The following ZDHHC14 variants were observed in gnomAD, a reference collection of about 807,000 sequenced individuals.
ZDHHC14 encodes the protein zDHHC palmitoyltransferase 14.
A neutral mutation model predicts 47.7 loss-of-function variants in ZDHHC14; 16 were observed. That is an observed-to-expected ratio of 0.34 (90% CI 0.23 to 0.51). ZDHHC14 has a LOEUF of 0.51. Among genes scored for constraint, ZDHHC14 ranks in the 20% least tolerant of loss-of-function variants. The pLI is 0.97. For synonymous variants in ZDHHC14, 293 were observed against 278.9 expected, an observed-to-expected ratio of 1.05 and a Z score of -0.50; for missense variants, 515 against 662.5, an observed-to-expected ratio of 0.78 and a Z score of 2.44.
intron 1 of ZDHHC14, among the ~76,000 whole-genome samples, chr6:157,515,462 T>TC (rs1780655920): frequency 9.2e-6 from 1 of 109,176 alleles, no homozygotes. Context: ...TTTTTCTTTT[T>TC]TTTTTTTTTT....
Position 157,392,618 on chromosome 6 carries a change from A to G in ZDHHC14, c.245+10352A>G, listed in dbSNP as rs528721955. ...GAGAGAAAAAATTGTTTCCTCTGCC[A>G]TGACTGGATCCATAATTAAGAGAAA... On this transcript the variant is annotated intron_variant, in intron 1 of 8. Coordinates refer to ENST00000359775, the MANE Select transcript of ZDHHC14 (RefSeq NM_024630.3). Among the ~76,000 whole-genome samples the G allele has an allele frequency of 2.7e-5, 4 of 150,416 alleles. No individual in the cohort carries two copies. The East Asian group carries it at 5.9e-4, about 22-fold the overall frequency.
intron 1 of ZDHHC14, among the ~76,000 whole-genome samples, chr6:157,492,783 A>G (rs994501012): frequency 1.3e-5 from 2 of 152,140 alleles, no homozygotes; most frequent in African/African-American, 2.4e-5. Context: ...AGTGGCCAGG[A>G]GCAGGGTGAT....
chr6:157,573,616 C>T, intron 2 of ZDHHC14, among the ~76,000 whole-genome samples: 1 of 152,232 alleles, frequency 6.6e-6, no homozygotes, highest in East Asian at 1.9e-4. Flanking sequence ...CAAGCCCATG[C>T]AGCCTTAAAT....
intron 4 of ZDHHC14, chr6:157,630,078 C>G (rs1401533533): frequency 1.3e-5 from 2 of 152,174 alleles, no homozygotes; most frequent in African/African-American, 4.8e-5. Context: ...GCCCCTGCCT[C>G]CCAGGTTCAA....
chr6:157,569,844 G>T (rs1310251922), intron 2 of ZDHHC14, among the ~76,000 whole-genome samples: 2 of 151,852 alleles, frequency 1.3e-5, no homozygotes, highest in African/African-American at 4.8e-5. Context: ...CTGTTTCAAA[G>T]GAGACATTGT....
intron 1 of ZDHHC14, among the ~76,000 whole-genome samples, chr6:157,484,291 G>A (rs533270743): frequency 1.2e-3 from 107 of 87,204 alleles, no homozygotes; most frequent in African/African-American, 2.9e-3. Flanking sequence ...ATATATATAT[G>A]TGTATATATA....
At chr6:157,386,994 T>G (rs1254582294) in intron 1 of ZDHHC14, among the ~76,000 whole-genome samples, 1 of 152,174 alleles carries the variant, frequency 6.6e-6, no homozygotes, top group Admixed American at 6.5e-5. Context: ...TTCAGCAGCA[T>G]CATATGAGGT....
chr6:157,608,596 G>A (rs372061610), intron 3 of ZDHHC14, among the ~76,000 whole-genome samples: 4 of 152,314 alleles, frequency 2.6e-5, no homozygotes, highest in Non-Finnish European at 2.9e-5. Flanking sequence ...GGGCCTGCCC[G>A]AGGGACCAGA....
chr6:157,653,218 C>T (rs571725494), intron 7 of ZDHHC14, among the ~76,000 whole-genome samples: 3 of 152,132 alleles, frequency 2.0e-5, no homozygotes, highest in African/African-American at 7.2e-5. Flanking sequence ...CAGATGGTGA[C>T]AGGTGGGGGT....
chr6:157,564,219 T>C (rs149777436), intron 2 of ZDHHC14, among the ~76,000 whole-genome samples: 2 of 152,254 alleles, frequency 1.3e-5, no homozygotes, highest in African/African-American at 4.8e-5. Context: ...TGCTCACTCA[T>C]AGTTGGGGCA....
chr6:157,516,255 C>G (rs1438165422), intron 1 of ZDHHC14, among the ~76,000 whole-genome samples: 2 of 152,146 alleles, frequency 1.3e-5, no homozygotes, highest in Non-Finnish European at 1.5e-5. Flanking sequence ...AACGTTGATA[C>G]TTGAGTTGTT....
At chr6:157,637,553 C>T (rs1777047581) in intron 5 of ZDHHC14, among the ~76,000 whole-genome samples, 1 of 152,188 alleles carries the variant, frequency 6.6e-6, no homozygotes, top group South Asian at 2.1e-4. Context: ...GCTTTGTCCT[C>T]TCCAAATCTG....
intron 1 of ZDHHC14, among the ~76,000 whole-genome samples, chr6:157,472,301 C>A (rs556013610): frequency 1.3e-5 from 2 of 152,248 alleles, no homozygotes; most frequent in South Asian, 2.1e-4. Context: ...AAACCAACCC[C>A]CTTCTACCTG....
At chr6:157,395,143 C>T (rs963003281) in intron 1 of ZDHHC14, among the ~76,000 whole-genome samples, 1 of 150,376 alleles carries the variant, frequency 6.6e-6, no homozygotes, top group African/African-American at 2.5e-5. Context: ...TTCTTCCTCA[C>T]TCCTTGTCTC....
At position 157,428,540 on chromosome 6, in the gene ZDHHC14, C is replaced by T. The variant is rs1030935064; in HGVS notation, c.245+46274C>T. Among the ~76,000 whole-genome samples the T allele has an allele frequency of 1.2e-4, 18 of 151,402 alleles. No homozygotes were observed. In the South Asian group the frequency reaches 1.9e-3, roughly 16 times the overall value. On this transcript the variant is annotated intron_variant, in intron 1 of 8. Coordinates refer to ENST00000359775, the MANE Select transcript of ZDHHC14 (RefSeq NM_024630.3). ...TGACTTTTTCAGCTGCTTTTTATAG[C>T]GGTGCCCTCTGAAACTAGTGGCCTG...
At chr6:157,657,054 A>AT (rs35580971) in intron 8 of ZDHHC14, among the ~76,000 whole-genome samples, 166 of 148,780 alleles carry the variant, frequency 1.1e-3, no homozygotes, top group African/African-American at 3.4e-3. Flanking sequence ...GGGTATTTGT[A>AT]TTTTTTTTTT....
At chr6:157,490,515 T>C (rs1297362732) in intron 1 of ZDHHC14, among the ~76,000 whole-genome samples, 1 of 152,242 alleles carries the variant, frequency 6.6e-6, no homozygotes, top group Non-Finnish European at 1.5e-5. Flanking sequence ...TTATCACTTG[T>C]AATTATCTAG....
rs1194466223 is a variant in ZDHHC14, at chr6:157,674,382, A to G, written c.*1260A>G. 6.6e-6 allele frequency: 1 copy of G among 152,210 alleles called. No individual in the cohort carries two copies. Among genetic ancestry groups the G allele is most frequent in the Non-Finnish European group, 1.5e-5 (1 of 68,038 alleles). The allele number at this position is 152,210 out of a possible 1,614,324, so 9.4% of individuals were successfully genotyped here. A position where few individuals can be genotyped will look rare whatever the true frequency, so the allele number is the denominator to read the frequency against. Reference sequence around the variant, plus strand: ...CTAAGCTGAGATCATGTAGGTCATCATCCTTCCTAGACACTGATCAGAATG... The same window carrying G: ...CTAAGCTGAGATCATGTAGGTCATCGTCCTTCCTAGACACTGATCAGAATG... On this transcript the variant is annotated 3_prime_UTR_variant, in exon 9 of 9. Transcript: ENST00000359775.
At chr6:157,423,254 A>G (rs1778145847) in intron 1 of ZDHHC14, among the ~76,000 whole-genome samples, 1 of 152,226 alleles carries the variant, frequency 6.6e-6, no homozygotes, top group African/African-American at 2.4e-5. Context: ...CACTGGCCGG[A>G]TAGTCACAGC....
Sources: allele counts gnomAD v4.1 joint callset (sites outside exome capture counted in the v4.1 genomes callset), GRCh38; gene constraint gnomAD v4.1.1; transcripts MANE v1.5; gene names NCBI Gene and HGNC (gene_info 2026-07-23, HGNC 2026-07-21).